ZMAT4: variants seen among roughly 807,000 people sequenced by gnomAD.
ZMAT4 encodes the protein zinc finger matrin-type protein 4.
Under a neutral mutation model 28.7 loss-of-function variants are expected in ZMAT4, and 17 were observed. The ratio of observed to expected loss-of-function variants is 0.59; its 90% CI spans 0.41 to 0.89. The LOEUF is 0.89. Ranked by LOEUF, ZMAT4 falls within the 40% of genes least tolerant of loss-of-function variation. The pLI, the probability that ZMAT4 is intolerant of heterozygous loss-of-function variation, is 0.00. For missense variants in ZMAT4, 240 were observed against 283.8 expected, an observed-to-expected ratio of 0.85 and a Z score of 1.11; for synonymous variants, 117 against 109.2, an observed-to-expected ratio of 1.07 and a Z score of -0.44.
chr8:40,789,839 A>G (rs1814248755), intron 2 of ZMAT4, among the ~76,000 whole-genome samples: 1 of 152,218 alleles, frequency 6.6e-6, no homozygotes, highest in Non-Finnish European at 1.5e-5. Flanking sequence ...ATAAAGCCAA[A>G]CAATAACTCC....
intron 5 of ZMAT4, among the ~76,000 whole-genome samples, chr8:40,597,754 A>G (rs1805152331): frequency 6.6e-6 from 1 of 152,196 alleles, no homozygotes; most frequent in Non-Finnish European, 1.5e-5. Context: ...GTTTTCATGG[A>G]TGAATAGATG....
intron 5 of ZMAT4, among the ~76,000 whole-genome samples, chr8:40,608,436 G>A (rs1160618894): frequency 6.6e-6 from 1 of 152,164 alleles, no homozygotes; most frequent in Admixed American, 6.5e-5. Flanking sequence ...CCTCCCAACA[G>A]CATTGAGTTT....
chr8:40,663,291 T>C (rs1453285130), intron 5 of ZMAT4, among the ~76,000 whole-genome samples: 1 of 152,194 alleles, frequency 6.6e-6, no homozygotes, highest in Non-Finnish European at 1.5e-5. Flanking sequence ...GGAAGTCGTT[T>C]TTTTCTGTGT....
chr8:40,694,219 G>A (rs1371851376), intron 4 of ZMAT4, among the ~76,000 whole-genome samples: 1 of 152,178 alleles, frequency 6.6e-6, no homozygotes, highest in African/African-American at 2.4e-5. Context: ...AGTAAGGGAG[G>A]ATGGCCATCC....
intron 3 of ZMAT4, among the ~76,000 whole-genome samples, chr8:40,726,384 C>G (rs1393357720): frequency 2.0e-5 from 3 of 152,160 alleles, no homozygotes; most frequent in African/African-American, 2.4e-5. Context: ...TATTCAGTAA[C>G]TGATTAAGTA....
intron 2 of ZMAT4, among the ~76,000 whole-genome samples, chr8:40,773,869 A>G (rs995246150): frequency 1.4e-4 from 22 of 152,158 alleles, no homozygotes; most frequent in African/African-American, 5.1e-4. Context: ...AAAAGAAACT[A>G]AAGATCTTAT....
At chr8:40,894,707 T>C (rs1448295206) in intron 1 of ZMAT4, among the ~76,000 whole-genome samples, 2 of 151,846 alleles carry the variant, frequency 1.3e-5, no homozygotes, top group African/African-American at 4.8e-5. Flanking sequence ...CTTTCTGAGG[T>C]GTTCCAGAGT....
intron 2 of ZMAT4, among the ~76,000 whole-genome samples, chr8:40,779,759 C>G (rs1049026551): frequency 6.6e-6 from 1 of 152,188 alleles, no homozygotes; most frequent in Admixed American, 6.5e-5. Flanking sequence ...TCCCATCTCT[C>G]CCTGGTGGCT....
At chr8:40,679,176 T>C (rs972443921) in intron 4 of ZMAT4, among the ~76,000 whole-genome samples, 9 of 152,220 alleles carry the variant, frequency 5.9e-5, no homozygotes, top group African/African-American at 2.2e-4. Flanking sequence ...TCTTAGTACC[T>C]TGTGCAAGAT....
intron 3 of ZMAT4, among the ~76,000 whole-genome samples, chr8:40,713,502 C>A (rs1371183567): frequency 6.6e-6 from 1 of 151,652 alleles, no homozygotes; most frequent in Non-Finnish European, 1.5e-5. Flanking sequence ...ATTAACCATA[C>A]ATATTTTTAA....
intron 6 of ZMAT4, among the ~76,000 whole-genome samples, chr8:40,544,286 C>T (rs1402759259): frequency 6.6e-6 from 1 of 152,202 alleles, no homozygotes; most frequent in Non-Finnish European, 1.5e-5. Flanking sequence ...TGAAAAGTCT[C>T]AATCTCTCTG....
chr8:40,613,944 G>A (rs1192589214), intron 5 of ZMAT4, among the ~76,000 whole-genome samples: 6 of 152,166 alleles, frequency 3.9e-5, no homozygotes, highest in African/African-American at 7.2e-5. Context: ...ACAAAAGAAT[G>A]CCCCTGATTC....
intron 4 of ZMAT4, among the ~76,000 whole-genome samples, chr8:40,688,868 C>T (rs553187666): frequency 2.1e-4 from 32 of 152,280 alleles, no homozygotes; most frequent in African/African-American, 7.7e-4. Context: ...CGTAGCTAGG[C>T]TCTGAAGTCT....
At chr8:40,865,421 G>A (rs1301644914) in intron 1 of ZMAT4, among the ~76,000 whole-genome samples, 5 of 152,200 alleles carry the variant, frequency 3.3e-5, no homozygotes, top group African/African-American at 9.7e-5. Flanking sequence ...GGGCCATGGA[G>A]AGGAGTTGGA....
intron 2 of ZMAT4, among the ~76,000 whole-genome samples, chr8:40,818,647 G>C (rs1461968676): frequency 6.6e-6 from 1 of 152,182 alleles, no homozygotes; most frequent in Non-Finnish European, 1.5e-5. Context: ...TACCCAGTTA[G>C]CACTTGCATC....
intron 5 of ZMAT4, among the ~76,000 whole-genome samples, chr8:40,597,720 G>C (rs1805151413): frequency 6.6e-6 from 1 of 152,136 alleles, no homozygotes; most frequent in African/African-American, 2.4e-5. Context: ...AGGAGTGCTT[G>C]ATACATATAG....
chr8:40,887,815 A>G (rs781417432), intron 1 of ZMAT4, among the ~76,000 whole-genome samples: 9 of 152,154 alleles, frequency 5.9e-5, no homozygotes, highest in Non-Finnish European at 8.8e-5. Flanking sequence ...GGTGTAATAA[A>G]CAGGAGAGAC....
intron 2 of ZMAT4, among the ~76,000 whole-genome samples, chr8:40,791,127 A>G (rs1814307550): frequency 6.6e-6 from 1 of 152,256 alleles, no homozygotes; most frequent in South Asian, 2.1e-4. Context: ...ATTAAAAATT[A>G]ACTCAAGATG....
At chr8:40,740,052 C>A (rs977700860) in intron 3 of ZMAT4, among the ~76,000 whole-genome samples, 1 of 152,102 alleles carries the variant, frequency 6.6e-6, no homozygotes, top group Non-Finnish European at 1.5e-5. Context: ...CATTGATGGG[C>A]GTTTGGGTTG....
Sources: allele counts gnomAD v4.1 joint callset (sites outside exome capture counted in the v4.1 genomes callset), GRCh38; gene constraint gnomAD v4.1.1; transcripts MANE v1.5; gene names NCBI Gene and HGNC (gene_info 2026-07-23, HGNC 2026-07-21).